Variants in TWF2 observed in about 807,000 individuals in gnomAD.
TWF2 encodes the protein twinfilin actin binding protein 2.
A neutral mutation model predicts 45.1 loss-of-function variants in TWF2; 15 were observed. The ratio of observed to expected loss-of-function variants is 0.33; its 90% CI spans 0.22 to 0.51. The LOEUF is 0.51. Ranked by LOEUF, TWF2 falls within the 20% of genes least tolerant of loss-of-function variation. The probability of loss-of-function intolerance (pLI) is 0.97; values close to 1 mark genes in which losing one functional copy is unlikely to be tolerated. For synonymous variants in TWF2, 177 were observed against 195.8 expected (o/e 0.90, Z 0.80); for missense variants, 423 against 469.1 (o/e 0.90, Z 0.91).
chr3:52,233,929 A>AG (rs968301052), intron 2 of TWF2, among the ~76,000 whole-genome samples: 1 of 151,552 alleles, frequency 6.6e-6, no homozygotes, highest in Non-Finnish European at 1.5e-5. Flanking sequence ...AAAAAAAAAA[A>AG]AAAAAAATCT....
intron 1 of TWF2, 35 bp downstream of exon 1, chr3:52,238,957 C>T (rs1699754305): frequency 1.9e-6 from 3 of 1,585,938 alleles, no homozygotes; most frequent in Non-Finnish European, 2.6e-6. Context: ...AGAGCCCAGA[C>T]CGAGGCCCCC....
chr3:52,232,272 G>T, intron 2 of TWF2, 150 bp from the exon 3 acceptor site: 1 of 1,034,656 alleles, frequency 9.7e-7, no homozygotes. Flanking sequence ...GAAGTGTGAG[G>T]CTGTGTGGCT....
rs768077176 is a variant in TWF2 at position 52,229,711 on chromosome 3, G to A, written c.832C>T (p.Arg278Cys). 13 of 1,613,274 alleles carry A rather than the reference G, an allele frequency of 8.1e-6. No individual in the cohort carries two copies. The highest frequency in any genetic ancestry group is 1.6e-4 in the Middle Eastern group (1 of 6,084). ...ERMLYSSCKS[R>C]LLDSVEQDFH... ...TCCTGCTCCACGGAGTCGAGGAGGC[G>A]GCTCTTGCAGCTGGAGTAGAGCATT... The change falls in exon 8 of 9, where the codon CGC becomes TGC. Residue 278 changes from arginine (R) to cysteine (C), a missense_variant. Coordinates refer to ENST00000305533, the MANE Select transcript of TWF2 (RefSeq NM_007284.4).
At chr3:52,238,729 GCA>G (rs1453809979) in intron 1 of TWF2, among the ~76,000 whole-genome samples, 1 of 152,060 alleles carries the variant, frequency 6.6e-6, no homozygotes, top group Non-Finnish European at 1.5e-5. Flanking sequence ...ATACAGATGG[GCA>G]CACACAGCCA....
chr3:52,231,937 G>A lies in TWF2; in HGVS notation c.282+7C>T, dbSNP rs552282915. 7 of 1,610,240 alleles carry A rather than the reference G, an allele frequency of 4.3e-6. No individual in the cohort carries two copies. In the South Asian group the frequency reaches 7.7e-5, roughly 18 times the overall value. On this transcript the variant is annotated splice_region_variant and intron_variant, in intron 3 of 8. Transcript: ENST00000305533. The stretch of plus-strand genomic sequence containing the variant: ...CCCTCCTCACTTCCCACTGGCCCAG[G>A]ACTCACGGGGGAGTTATCAGGCGAC...
At chr3:52,231,261 T>A in intron 4 of TWF2, 30 bp from the exon 5 acceptor site, 1 of 1,612,182 alleles carries the variant, frequency 6.2e-7, no homozygotes, top group Admixed American at 1.7e-5. Context: ...TGCAGAGCCA[T>A]AAATGGGCAC....
In TWF2 at chr3:52,232,131, A is replaced by C; in HGVS notation, c.104-9T>G. On this transcript the variant is annotated splice_polypyrimidine_tract_variant and intron_variant, in intron 2 of 8. Transcript: ENST00000305533. Reference sequence around the variant, plus strand: ...ACCCAGCACGAGCTGCTCTGGGGGCAGAGGCCGGATGAGCAGCCGCTCCCA... The same window carrying C: ...ACCCAGCACGAGCTGCTCTGGGGGCCGAGGCCGGATGAGCAGCCGCTCCCA... The C allele has an allele frequency of 6.4e-7, 1 of 1,553,080 alleles. No homozygotes were observed. The highest frequency in any genetic ancestry group is 8.7e-7 in the Non-Finnish European group (1 of 1,148,362).
chr3:52,231,868 G>C (rs569622729), intron 3 of TWF2, 76 bp downstream of exon 3: 4 of 1,552,640 alleles, frequency 2.6e-6, no homozygotes, highest in Admixed American at 1.9e-5. Flanking sequence ...TCCCCTCTTG[G>C]ATCCCCCAGG....
intron 2 of TWF2, among the ~76,000 whole-genome samples, chr3:52,233,307 G>A (rs961453959): frequency 2.6e-5 from 4 of 152,220 alleles, no homozygotes; most frequent in African/African-American, 9.6e-5. Context: ...CTGAGGCCTC[G>A]GCCTCCTCAC....
Position 52,230,886 on chromosome 3 carries a change from A to G in TWF2, c.593T>C (p.Val198Ala). 1 of 1,611,312 alleles carries G rather than the reference A, an allele frequency of 6.2e-7. No homozygotes were observed. Among genetic ancestry groups the G allele is most frequent in the Non-Finnish European group, 8.5e-7 (1 of 1,178,896 alleles). Reference protein sequence around the residue: ...RALQQLKQKMVNYIQMKLDLE... With the variant: ...RALQQLKQKMANYIQMKLDLE... ...GGCACCCACCATCTGGATGTAGTTG[A>G]CCATTTTCTGCTTGAGCTGCTGGAG... is the stretch of plus-strand genomic sequence containing the variant. The change falls in exon 6 of 9, where the codon GTC becomes GCC. Residue 198 changes from valine to alanine, a missense_variant. By Grantham distance (64) the Val-to-Ala change is moderately conservative. Transcript: ENST00000305533.
At position 52,229,661 on chromosome 3, in the gene TWF2, T is replaced by G. The variant is rs1350402849; in HGVS notation, c.882A>C (p.Lys294Asn). Reference sequence around the variant, plus strand: ...GTGAGGCCCTGGGGAGGGCGCCTACTTTCTTGGCGATCTCCAGATGGAAGT... The same window carrying G: ...GTGAGGCCCTGGGGAGGGCGCCTACGTTCTTGGCGATCTCCAGATGGAAGT... Reference protein sequence around the residue: ...EQDFHLEIAKKIEIGDGAELT... With the variant: ...EQDFHLEIAKNIEIGDGAELT... Residue 294 changes from lysine to asparagine, a missense_variant and splice_region_variant, in exon 8 of 9, where the codon AAA becomes AAC. Transcript: ENST00000305533. 1 of 1,613,374 alleles carries G rather than the reference T, an allele frequency of 6.2e-7. No homozygotes were observed. Among genetic ancestry groups the G allele is most frequent in the South Asian group, 1.1e-5 (1 of 91,084 alleles).
intron 1 of TWF2, 33 bp from the exon 2 acceptor site, chr3:52,235,139 TG>T: frequency 6.2e-7 from 1 of 1,607,688 alleles, no homozygotes; most frequent in Admixed American, 1.7e-5. Context: ...GGGGGATGAG[TG>T]GGCAGAGTGG....
rs986382097 is a variant in TWF2 at position 52,228,961 on chromosome 3, AAGG to A, written c.*70_*72del. 1.4e-4 allele frequency: 216 copies of A among 1,553,226 alleles called. No individual in the cohort carries two copies. Among genetic ancestry groups the A allele is most frequent in the Non-Finnish European group, 1.2e-4 (135 of 1,148,006 alleles). On this transcript the variant is annotated 3_prime_UTR_variant, in exon 9 of 9. Coordinates refer to ENST00000305533, the MANE Select transcript of TWF2 (RefSeq NM_007284.4). The stretch of plus-strand genomic sequence containing the variant: ...CAGAAACACTTTCCTGGAGCCCAGG[AAGG>A]AGGATGGTGGCAGGGAGCGGAAGGT...
chr3:52,229,614 T>C lies in TWF2; in HGVS notation c.882+47A>G, dbSNP rs375292646. On this transcript the variant is annotated intron_variant, in intron 8 of 8. Transcript: ENST00000305533. ...GGACCCCAGCGCCCCACATGGAGATTGGAGTGATAGGGCCTGGGGAGGTGA... is the reference window on the plus strand; with the variant it reads ...GGACCCCAGCGCCCCACATGGAGATCGGAGTGATAGGGCCTGGGGAGGTGA... 3.6e-5 allele frequency: 58 copies of C among 1,602,182 alleles called. No individual in the cohort carries two copies. The East Asian group carries it at 4.0e-4, about 11-fold the overall frequency.
intron 2 of TWF2, among the ~76,000 whole-genome samples, chr3:52,232,982 G>T (rs1699693510): frequency 3.3e-5 from 5 of 152,208 alleles, no homozygotes. Context: ...TTGCACTCCA[G>T]CCTGGGCAAC....
At position 52,238,934 on chromosome 3, in the gene TWF2, G is replaced by GA. The variant is rs1203214336; in HGVS notation, c.25+57_25+58insT. On this transcript the variant is annotated intron_variant, in intron 1 of 8. Coordinates refer to ENST00000305533, the MANE Select transcript of TWF2 (RefSeq NM_007284.4). ...TGGAGGGAGGGGCCGAGAGCCGGGGGGGGGCGCTTCCGAGAGCCCAGACCG... is the reference window on the plus strand; with the variant it reads ...TGGAGGGAGGGGCCGAGAGCCGGGGGAGGGGCGCTTCCGAGAGCCCAGACCG... 2.8e-4 allele frequency: 443 copies of GA among 1,565,038 alleles called. 1 individual carries two copies. In the African/African-American group the frequency reaches 5.0e-3, roughly 18 times the overall value.
In TWF2 at chr3:52,235,084, G is replaced by T. The variant is rs1001114664; in HGVS notation, c.48C>A (p.Phe16Leu). 3.1e-6 allele frequency: 5 copies of T among 1,613,884 alleles called. No homozygotes were observed. The highest frequency in any genetic ancestry group is 2.7e-5 in the African/African-American group (2 of 74,950). ...GIHATEELKE[F>L]FAKARAGSVR... ...CAGAGCCAGCCCGTGCCTTGGCAAA[G>T]AATTCCTTCAGCTCTTCCGTGGCTA... Residue 16 changes from phenylalanine to leucine, a missense_variant, in exon 2 of 9, where the codon TTC becomes TTA. Phe to Leu is a conservative substitution (Grantham distance 22). Transcript: ENST00000305533.
chr3:52,228,816 C>T lies in TWF2; in HGVS notation c.*218G>A. On this transcript the variant is annotated 3_prime_UTR_variant, in exon 9 of 9. Transcript: ENST00000305533. ...CCCTTAAGCCAGCCAGGCAGGGTCC[C>T]CGGACACCCTGGGCACACAGACGAG... 1 of 715,910 alleles carries T rather than the reference C, an allele frequency of 1.4e-6. No homozygotes were observed. Among genetic ancestry groups the T allele is most frequent in the Non-Finnish European group, 2.2e-6 (1 of 455,134 alleles). 44.3% of individuals were successfully genotyped at this position (715,910 alleles called of 1,614,324 possible).
At chr3:52,229,563 A>G in intron 8 of TWF2, 98 bp downstream of exon 8, 1 of 1,540,808 alleles carries the variant, frequency 6.5e-7, no homozygotes, top group East Asian at 2.3e-5. Flanking sequence ...CACGACAGCA[A>G]CGATTCCTGC....
Sources: allele counts gnomAD v4.1 joint callset (sites outside exome capture counted in the v4.1 genomes callset), GRCh38; gene constraint gnomAD v4.1.1; transcripts MANE v1.5; gene names NCBI Gene and HGNC (gene_info 2026-07-23, HGNC 2026-07-21).